Variants in CHTF8 observed in about 807,000 individuals in gnomAD.
The protein encoded by CHTF8 is chromosome transmission fidelity factor 8, also known as chromosome transmission fidelity protein 8 homolog.
Under a neutral mutation model 11.0 loss-of-function variants are expected in CHTF8, and 6 were observed. That is an observed-to-expected ratio of 0.55 (90% CI 0.30 to 1.08). The LOEUF (loss-of-function observed/expected upper bound fraction) is 1.08, where lower values mean the gene tolerates loss of function less well. Ranked by LOEUF, CHTF8 falls within the 50% of genes least tolerant of loss-of-function variation. CHTF8 has a pLI of 0.07. For missense variants in CHTF8, 140 were observed against 153.1 expected (o/e 0.91, Z 0.45); for synonymous variants, 53 against 60.5 (o/e 0.88, Z 0.57).
At chr16:69,125,195 C>T (rs1324851625) in intron 1 of CHTF8, among the ~76,000 whole-genome samples, 4 of 152,000 alleles carry the variant, frequency 2.6e-5, no homozygotes, top group African/African-American at 7.3e-5. Context: ...TGAGTCATTG[C>T]GCCCGGCCAA....
chr16:69,127,600 A>C (rs1045618683), intron 1 of CHTF8, among the ~76,000 whole-genome samples: 3 of 143,554 alleles, frequency 2.1e-5, no homozygotes, highest in Admixed American at 1.4e-4. Flanking sequence ...TCTCCCGGCA[A>C]CTTTTTTTTT....
In CHTF8 at chr16:69,118,325, G is replaced by A. The variant is rs367681130; in HGVS notation, c.*2100C>T. 7.5e-7 allele frequency: 1 copy of A among 1,336,398 alleles called. No individual in the cohort carries two copies. The highest frequency in any genetic ancestry group is 1.1e-6 in the Non-Finnish European group (1 of 926,746). 82.8% of individuals were successfully genotyped at this position (1,336,398 alleles called of 1,614,324 possible). A position where few individuals can be genotyped will look rare whatever the true frequency, so the allele number is the denominator to read the frequency against. ...CATTCGGTGGGTCTTTCTTTGAAGT[G>A]GTTGTCCATCTCCCTGTTCTGTGTT... On this transcript the variant is annotated 3_prime_UTR_variant, in exon 4 of 4. Coordinates refer to ENST00000448552, the MANE Select transcript of CHTF8 (RefSeq NM_001039690.5).
At chr16:69,125,627 C>G (rs1962008158) in intron 1 of CHTF8, among the ~76,000 whole-genome samples, 1 of 152,194 alleles carries the variant, frequency 6.6e-6, no homozygotes, top group Non-Finnish European at 1.5e-5. Flanking sequence ...TGCACCAGCA[C>G]AGATTGTGGG....
At chr16:69,131,031 T>C (rs1213660996) in intron 1 of CHTF8, among the ~76,000 whole-genome samples, 5 of 152,204 alleles carry the variant, frequency 3.3e-5, no homozygotes, top group Non-Finnish European at 7.3e-5. Context: ...TGTAGTGTTA[T>C]CGTGGTTTTG....
At position 69,121,167 on chromosome 16, in the gene CHTF8, C is replaced by A. The variant is rs201600961; in HGVS notation, c.27G>T (p.Ala9=). 1 of 1,611,956 alleles carries A rather than the reference C, an allele frequency of 6.2e-7. No homozygotes were observed. Among genetic ancestry groups the A allele is most frequent in the South Asian group, 1.1e-5 (1 of 91,014 alleles). MVQIVISS[A]RAGGLAEWVL... ...CCCATTCTGCCAGGCCTCCAGCCCT[C>A]GCACTGCAAGCAAAGGGCTGGCGGT... Residue 9 remains alanine, a synonymous_variant, in exon 3 of 4, where the codon GCG becomes GCT. Transcript: ENST00000448552.
At chr16:69,129,429 C>CAAAAAAAAA (rs11420871) in intron 1 of CHTF8, among the ~76,000 whole-genome samples, 2 of 75,596 alleles carry the variant, frequency 2.6e-5, no homozygotes, top group African/African-American at 4.9e-5. Flanking sequence ...GACTCCGTCA[C>CAAAAAAAAA]AAAAAAAAAA....
chr16:69,126,733 T>G (rs1349293487), intron 1 of CHTF8, among the ~76,000 whole-genome samples: 4 of 152,258 alleles, frequency 2.6e-5, no homozygotes, highest in Non-Finnish European at 5.9e-5. Flanking sequence ...GTCAGGAACG[T>G]AGAGGAGGGC....
chr16:69,121,080 G>A lies in CHTF8; in HGVS notation c.114C>T (p.Leu38=), dbSNP rs190460987. 39 of 1,614,094 alleles carry A rather than the reference G, an allele frequency of 2.4e-5. No homozygotes were observed. In the Admixed American group the frequency reaches 3.5e-4, roughly 14 times the overall value. Residue 38 remains leucine (L), a synonymous_variant, in exon 3 of 4, where the codon CTC becomes CTT. Transcript: ENST00000448552. ...CAGTGGTGTAATGTAGGTCTCCCAG[G>A]AGGTTTCCAGCTAATCCAGTGCTGT... ...ARYSTGLAGN[L]LGDLHYTTEG...
intron 1 of CHTF8, among the ~76,000 whole-genome samples, chr16:69,127,953 C>T (rs1313148703): frequency 6.9e-6 from 1 of 145,804 alleles, no homozygotes; most frequent in Non-Finnish European, 1.5e-5. Flanking sequence ...CTCACTCTGT[C>T]ACTCAGGCTG....
intron 1 of CHTF8, among the ~76,000 whole-genome samples, chr16:69,129,372 G>C (rs1202093081): frequency 6.9e-6 from 1 of 143,928 alleles, no homozygotes; most frequent in Non-Finnish European, 1.5e-5. Flanking sequence ...AGAGGTTGCA[G>C]TGAGCCGACA....
Position 69,120,750 on chromosome 16 carries a change from A to G in CHTF8, c.142-101T>C. Reference sequence around the variant, plus strand: ...CTTGGCAGGCTATGCTGGCACCTCCAATCCCTGGTCTGGCTCTGCCATTGT... The same window carrying G: ...CTTGGCAGGCTATGCTGGCACCTCCGATCCCTGGTCTGGCTCTGCCATTGT... On this transcript the variant is annotated intron_variant, in intron 3 of 3. Transcript: ENST00000448552. This position sits in a 1 kb window ranked among gnomAD's most constrained non-coding sequence, Gnocchi z 4.0. The G allele has an allele frequency of 2.0e-6, 2 of 1,020,750 alleles. No individual in the cohort carries two copies. Among genetic ancestry groups the G allele is most frequent in the Non-Finnish European group, 1.5e-6 (1 of 677,362 alleles). 63.2% of individuals were successfully genotyped at this position (1,020,750 alleles called of 1,614,324 possible). A position where few individuals can be genotyped will look rare whatever the true frequency, so the allele number is the denominator to read the frequency against.
chr16:69,126,566 G>A (rs114451154), intron 1 of CHTF8, among the ~76,000 whole-genome samples: 35 of 152,284 alleles, frequency 2.3e-4, no homozygotes, highest in African/African-American at 7.9e-4. Context: ...CAGTCAGGCT[G>A]GTAAAAACTT....
chr16:69,128,740 TTC>T (rs146333544), intron 1 of CHTF8, among the ~76,000 whole-genome samples: 96 of 152,234 alleles, frequency 6.3e-4, no homozygotes, highest in African/African-American at 1.8e-3. Context: ...AGCATTTGGC[TTC>T]TCTCTCTCTT....
intron 1 of CHTF8, among the ~76,000 whole-genome samples, chr16:69,128,488 G>A (rs1962251745): frequency 6.6e-6 from 1 of 152,084 alleles, no homozygotes; most frequent in Admixed American, 6.5e-5. Context: ...AATCTCATGA[G>A]GAGGGAAAAA....
intron 2 of CHTF8, 28 bp downstream of exon 2, chr16:69,121,407 CA>C (rs1276004090): frequency 2.5e-6 from 4 of 1,591,968 alleles, no homozygotes; most frequent in Non-Finnish European, 3.4e-6. Context: ...CATTTCAAGC[CA>C]AATTTTAAAA....
intron 1 of CHTF8, among the ~76,000 whole-genome samples, chr16:69,126,295 T>C (rs536045620): frequency 4.6e-5 from 7 of 152,290 alleles, no homozygotes; most frequent in Non-Finnish European, 7.3e-5. Context: ...TGCCGAAATA[T>C]TTTCAGTGCA....
Position 69,120,696 on chromosome 16 carries a change from A to AT in CHTF8, c.142-48dup. 1 of 1,535,662 alleles carries AT rather than the reference A, an allele frequency of 6.5e-7. No homozygotes were observed. Among genetic ancestry groups the AT allele is most frequent in the Non-Finnish European group, 8.9e-7 (1 of 1,119,054 alleles). On this transcript the variant is annotated intron_variant, in intron 3 of 3. Transcript: ENST00000448552. The surrounding 1 kb of genome is among the most constrained non-coding windows in gnomAD (Gnocchi z 4.0). ...ATTCCTGAGGTTCCGGGGCAAGGCC[A>AT]TAACACTCAGGCGCCTCCTAAAGCT...
At chr16:69,122,665 C>G in intron 1 of CHTF8, among the ~76,000 whole-genome samples, 1 of 151,904 alleles carries the variant, frequency 6.6e-6, no homozygotes, top group Non-Finnish European at 1.5e-5. Context: ...TTCAGCCTCC[C>G]GAGCAGCTGG....
chr16:69,119,981 G>A lies in CHTF8; in HGVS notation c.*444C>T, dbSNP rs1178076608. 2.9e-6 allele frequency: 2 copies of A among 697,890 alleles called. No homozygotes were observed. Among genetic ancestry groups the A allele is most frequent in the African/African-American group, 3.5e-5 (2 of 57,206 alleles). 43.2% of individuals were successfully genotyped at this position (697,890 alleles called of 1,614,324 possible). On this transcript the variant is annotated 3_prime_UTR_variant, in exon 4 of 4. Coordinates refer to ENST00000448552, the MANE Select transcript of CHTF8 (RefSeq NM_001039690.5). ...TTGGACATAGGACCTGGTCCTGGGAGACCCCCTAACCTGGGGTTAGACAGA... is the reference window on the plus strand; with the variant it reads ...TTGGACATAGGACCTGGTCCTGGGAAACCCCCTAACCTGGGGTTAGACAGA...
Sources: gnomAD v4.1 joint callset for allele counts (sites outside exome capture counted in the v4.1 genomes callset) on GRCh38, gnomAD v4.1.1 for gene constraint, Gnocchi (gnomAD v3.1) non-coding constraint, MANE v1.5 for transcripts, NCBI Gene and HGNC (gene_info 2026-07-23, HGNC 2026-07-21) for gene names.